The following TPCN1 variants were observed in gnomAD, a reference collection of about 807,000 sequenced individuals.
The protein encoded by TPCN1 is two pore segment channel 1.
Under a neutral mutation model 108.8 loss-of-function variants are expected in TPCN1, and 52 were observed. The ratio of observed to expected loss-of-function variants is 0.48; its 90% CI spans 0.38 to 0.60. The LOEUF is 0.60. Among genes scored for constraint, TPCN1 ranks in the 20% least tolerant of loss-of-function variants. The probability of loss-of-function intolerance (pLI) is 0.00; values close to 1 mark genes in which losing one functional copy is unlikely to be tolerated. For synonymous variants in TPCN1, 446 were observed against 433.7 expected (o/e 1.03, Z -0.35); for missense variants, 806 against 1,072.8 (o/e 0.75, Z 3.47).
intron 3 of TPCN1, among the ~76,000 whole-genome samples, chr12:113,262,690 C>G (rs1044175536): frequency 7.9e-5 from 12 of 152,164 alleles, no homozygotes; most frequent in Non-Finnish European, 1.8e-4. Context: ...CCTAAGGATC[C>G]TGATCATTCC....
At chr12:113,226,995 C>T in intron 2 of TPCN1, 31 bp downstream of exon 2, 1 of 1,582,598 alleles carries the variant, frequency 6.3e-7, no homozygotes, top group Non-Finnish European at 8.6e-7. Flanking sequence ...GGGGGGACCC[C>T]AGCTTTTCTG....
At chr12:113,286,082 G>C in intron 18 of TPCN1, 121 bp downstream of exon 18, 2 of 872,602 alleles carry the variant, frequency 2.3e-6, no homozygotes, top group Non-Finnish European at 3.7e-6. Flanking sequence ...CTGAGGATGG[G>C]CTGAGGCCTA....
chr12:113,274,670 A>G (rs1593172934), intron 10 of TPCN1, among the ~76,000 whole-genome samples: 1 of 152,338 alleles, frequency 6.6e-6, no homozygotes, highest in Admixed American at 6.5e-5. Flanking sequence ...GGCACTATGC[A>G]AAGTGCTTTA....
chr12:113,242,212 T>A (rs986549864), intron 2 of TPCN1, among the ~76,000 whole-genome samples: 2 of 152,238 alleles, frequency 1.3e-5, no homozygotes, highest in Admixed American at 6.5e-5. Context: ...GTTTTGCCCA[T>A]GCAGAATGTT....
rs1956142027 is a variant in TPCN1 at position 113,288,031 on chromosome 12, G to A, written c.1635-132G>A. The A allele has an allele frequency of 4.8e-6, 4 of 838,570 alleles. No individual in the cohort carries two copies. The highest frequency in any genetic ancestry group is 1.7e-5 in the African/African-American group (1 of 58,934). 51.9% of individuals were successfully genotyped at this position (838,570 alleles called of 1,614,324 possible). ...CAGGGTTGGTGGCGCCCAAGGGAGT[G>A]GACGCAGGTGGAGGAGAGGCCCTCA... is the stretch of plus-strand genomic sequence containing the variant. On this transcript the variant is annotated intron_variant, in intron 19 of 27. Coordinates refer to ENST00000335509, the MANE Select transcript of TPCN1 (RefSeq NM_017901.6). This position sits in a 1 kb window ranked among gnomAD's most constrained non-coding sequence, Gnocchi z 4.8.
At chr12:113,270,275 GC>G (rs1955438943) in intron 7 of TPCN1, among the ~76,000 whole-genome samples, 1 of 152,034 alleles carries the variant, frequency 6.6e-6, no homozygotes, top group South Asian at 2.1e-4. Context: ...GTAACAAAAT[GC>G]CATAGACTGG....
Position 113,278,821 on chromosome 12 carries a change from T to C in TPCN1, c.1283T>C (p.Leu428Pro). The C allele has an allele frequency of 6.2e-7, 1 of 1,613,944 alleles. No individual in the cohort carries two copies. The highest frequency in any genetic ancestry group is 8.5e-7 in the Non-Finnish European group (1 of 1,179,888). Residue 428 changes from leucine (L) to proline (P), a missense_variant, in exon 14 of 28, where the codon CTC becomes CCC. Coordinates refer to ENST00000335509, the MANE Select transcript of TPCN1 (RefSeq NM_017901.6). ...HWFDELPRTA[L>P]LIFKGINILV... ...TTTGATGAGCTTCCCAGGACGGCGC[T>C]CCTCATCTTCAAAGGTAAGTGGGCT... is the stretch of plus-strand genomic sequence containing the variant.
At chr12:113,227,142 C>G (rs1953500794) in intron 2 of TPCN1, among the ~76,000 whole-genome samples, 178 bp downstream of exon 2, 1 of 152,190 alleles carries the variant, frequency 6.6e-6, no homozygotes, top group Non-Finnish European at 1.5e-5. Flanking sequence ...TCCTTCCACA[C>G]CCCCAGCTTG....
chr12:113,296,232 C>T lies in TPCN1; in HGVS notation c.*156C>T. The T allele has an allele frequency of 8.2e-7, 1 of 1,216,776 alleles. No homozygotes were observed. The highest frequency in any genetic ancestry group is 1.1e-6 in the Non-Finnish European group (1 of 902,506). The allele number at this position is 1,216,776 out of a possible 1,614,324, so 75.4% of individuals were successfully genotyped here. A position where few individuals can be genotyped will look rare whatever the true frequency, so the allele number is the denominator to read the frequency against. ...AGACAAGATGGGGCTTGGTTTATAACCACCTTGCCCTGTCTTCCTTAACTC... is the reference window on the plus strand; with the variant it reads ...AGACAAGATGGGGCTTGGTTTATAATCACCTTGCCCTGTCTTCCTTAACTC... On this transcript the variant is annotated 3_prime_UTR_variant, in exon 28 of 28. Transcript: ENST00000335509.
Position 113,284,467 on chromosome 12 carries a change from T to C in TPCN1, c.1343-114T>C. 2 of 1,186,906 alleles carry C rather than the reference T, an allele frequency of 1.7e-6. No individual in the cohort carries two copies. Among genetic ancestry groups the C allele is most frequent in the South Asian group, 1.3e-5 (1 of 77,522 alleles). The allele number at this position is 1,186,906 out of a possible 1,614,324, so 73.5% of individuals were successfully genotyped here. A position where few individuals can be genotyped will look rare whatever the true frequency, so the allele number is the denominator to read the frequency against. On this transcript the variant is annotated intron_variant, in intron 15 of 27. Transcript: ENST00000335509. The surrounding 1 kb of genome is among the most constrained non-coding windows in gnomAD (Gnocchi z 4.1). ...ATCAAATGGGTGTGTGGAGCAGCCC[T>C]GTTCTCCCCATCCCGTAGAGCTCCA...
At chr12:113,287,482 C>T (rs2136738315) in intron 19 of TPCN1, 1 of 184,136 alleles carries the variant, frequency 5.4e-6, no homozygotes, top group Non-Finnish European at 1.1e-5. Context: ...GGAGAAAAAC[C>T]CTCGTGTGGG....
At chr12:113,223,300 G>A (rs1323688520) in intron 1 of TPCN1, among the ~76,000 whole-genome samples, 3 of 152,172 alleles carry the variant, frequency 2.0e-5, no homozygotes, top group Non-Finnish European at 4.4e-5. Context: ...ATGATTCGAG[G>A]AAGAAGTCAG....
intron 2 of TPCN1, among the ~76,000 whole-genome samples, chr12:113,235,515 AAAAAAAG>A (rs1216064202): frequency 1.3e-5 from 2 of 152,118 alleles, no homozygotes; most frequent in Non-Finnish European, 2.9e-5. Flanking sequence ...TTTAAAAAAA[AAAAAAAG>A]AAAAAAGTGA....
rs574069078 is a variant in TPCN1, at chr12:113,252,302, G to A, written c.113-8066G>A. 6.6e-4 allele frequency among the ~76,000 whole-genome samples: 100 copies of A among 152,292 alleles called. 1 individual carries two copies. Among genetic ancestry groups the A allele is most frequent in the Non-Finnish European group, 1.2e-3 (81 of 68,030 alleles). On this transcript the variant is annotated intron_variant, in intron 2 of 27. Coordinates refer to ENST00000335509, the MANE Select transcript of TPCN1 (RefSeq NM_017901.6). ...CAAGGAATGGCCTGCACCGTGGGAC[G>A]CGTCGGGCCACCTGGTCCCAGGGAT...
chr12:113,280,700 T>G (rs1245984334), intron 15 of TPCN1, among the ~76,000 whole-genome samples: 1 of 152,250 alleles, frequency 6.6e-6, no homozygotes, highest in Non-Finnish European at 1.5e-5. Flanking sequence ...TAGCCACAAA[T>G]GGCTAATGAC....
chr12:113,268,860 G>A lies in TPCN1; in HGVS notation c.647G>A (p.Gly216Asp). 5.0e-6 allele frequency: 8 copies of A among 1,614,010 alleles called. No homozygotes were observed. Among genetic ancestry groups the A allele is most frequent in the Non-Finnish European group, 6.8e-6 (8 of 1,179,940 alleles). Reference protein sequence around the residue: ...CIFLVDCRYCGGVRRNLRQIF... With the variant: ...CIFLVDCRYCDGVRRNLRQIF... ...TTCCTGGTGGACTGTCGGTATTGCGGTGGCGTCCGGCGGTAAGGCCCGGGT... is the reference window on the plus strand; with the variant it reads ...TTCCTGGTGGACTGTCGGTATTGCGATGGCGTCCGGCGGTAAGGCCCGGGT... The change falls in exon 6 of 28, where the codon GGT (glycine) becomes GAT (aspartate). Residue 216 changes from glycine (G) to aspartate (D), a missense_variant. By Grantham distance (94) the Gly-to-Asp change is moderately conservative. Coordinates refer to ENST00000335509, the MANE Select transcript of TPCN1 (RefSeq NM_017901.6). This position sits in a 1 kb window ranked among gnomAD's most constrained non-coding sequence, Gnocchi z 7.3.
chr12:113,295,825 GT>G (rs1310383088), intron 27 of TPCN1, 134 bp from the exon 28 acceptor site: 2 of 966,158 alleles, frequency 2.1e-6, no homozygotes, highest in Admixed American at 3.0e-5. Flanking sequence ...TGTGACGGGG[GT>G]TTCAGTACCA....
chr12:113,243,597 A>G (rs1425914623), intron 2 of TPCN1, among the ~76,000 whole-genome samples: 2 of 152,044 alleles, frequency 1.3e-5, no homozygotes, highest in African/African-American at 4.8e-5. Context: ...TACTAAAAAT[A>G]CAAAAAATTA....
rs186805716 is a variant in TPCN1, at chr12:113,231,914, C to T, written c.112+4950C>T. On this transcript the variant is annotated intron_variant, in intron 2 of 27. Transcript: ENST00000335509. This position sits in a 1 kb window ranked among gnomAD's most constrained non-coding sequence, Gnocchi z 4.3. ...ACCACAGTCCACACCGCGTGACAGG[C>T]GGTGGTCTCACCCACCACATTCAGG... Among the ~76,000 whole-genome samples the T allele has an allele frequency of 2.0e-5, 3 of 152,286 alleles. No homozygotes were observed. Among genetic ancestry groups the T allele is most frequent in the East Asian group, 3.9e-4 (2 of 5,180 alleles).
Sources: gnomAD v4.1 joint callset for allele counts (sites outside exome capture counted in the v4.1 genomes callset) on GRCh38, gnomAD v4.1.1 for gene constraint, Gnocchi (gnomAD v3.1) non-coding constraint, MANE v1.5 for transcripts, NCBI Gene and HGNC (gene_info 2026-07-23, HGNC 2026-07-21) for gene names.